Variants in MTCL1 observed in about 807,000 individuals in gnomAD.
The protein encoded by MTCL1 is microtubule cross-linking factor 1.
MTCL1 carries 79 observed loss-of-function variants against 141.4 expected under a neutral mutation model. That is an observed-to-expected ratio of 0.56 (90% confidence interval 0.47 to 0.67). The LOEUF (loss-of-function observed/expected upper bound fraction) is 0.67, where lower values mean the gene tolerates loss of function less well. Among genes scored for constraint, MTCL1 ranks in the 30% least tolerant of loss-of-function variants. The pLI, the probability that MTCL1 is intolerant of heterozygous loss-of-function variation, is 0.00. For missense variants in MTCL1, 2,177 were observed against 2,113.9 expected, an observed-to-expected ratio of 1.03 and a Z score of -0.59; for synonymous variants, 914 against 875.8, an observed-to-expected ratio of 1.04 and a Z score of -0.77.
chr18:8,705,874 C>G lies in MTCL1; in HGVS notation c.214C>G (p.Pro72Ala), dbSNP rs2096057112. The G allele has an allele frequency of 2.7e-6, 3 of 1,122,118 alleles. No individual in the cohort carries two copies. Among genetic ancestry groups the G allele is most frequent in the South Asian group, 8.6e-5 (2 of 23,342 alleles). The allele number at this position is 1,122,118 out of a possible 1,614,324, so 69.5% of individuals were successfully genotyped here. Residue 72 changes from proline to alanine, a missense_variant, in exon 1 of 14, where the codon CCC (proline) becomes GCC (alanine). Coordinates refer to the MTCL1 transcript ENST00000306329. This position sits in a 1 kb window ranked among gnomAD's most constrained non-coding sequence, Gnocchi z 5.2. ...CCCCTCCTCGGGCCGAGCCCCGGCTCCCGCCGCCCCGCGCTCGCCCAACCT... is the reference window on the plus strand; with the variant it reads ...CCCCTCCTCGGGCCGAGCCCCGGCTGCCGCCGCCCCGCGCTCGCCCAACCT...
Position 8,778,966 on chromosome 18 carries a change from G to C in MTCL1, c.417+1074G>C, listed in dbSNP as rs540104261. On this transcript the variant is annotated intron_variant, in intron 5 of 16. Transcript: ENST00000359865. ...TCCTTGGGCGCGTGTCAGAAACCCT[G>C]GTACCTGGGATGCGTTGAGCCGCCC... is the stretch of plus-strand genomic sequence containing the variant. Among the ~76,000 whole-genome samples, 22 of 152,322 alleles carry C rather than the reference G, an allele frequency of 1.4e-4. No individual in the cohort carries two copies. In the East Asian group the frequency reaches 3.1e-3, roughly 21 times the overall value.
At chr18:8,785,702 G>GC (rs1555655219) in intron 6 of MTCL1, 1 of 545,516 alleles carries the variant, frequency 1.8e-6, no homozygotes, top group Non-Finnish European at 3.3e-6. Flanking sequence ...GTGTCCACCC[G>GC]CCCCTTTGCT....
intron 8 of MTCL1, 133 bp downstream of exon 7, chr18:8,793,253 A>G (rs2075800595): frequency 2.4e-6 from 3 of 1,245,866 alleles, no homozygotes; most frequent in Admixed American, 4.4e-5. Flanking sequence ...ACGTATGGAA[A>G]GGTCACCCAG....
chr18:8,763,191 T>C (rs999713853), intron 4 of MTCL1, among the ~76,000 whole-genome samples: 88 of 152,182 alleles, frequency 5.8e-4, no homozygotes, highest in Non-Finnish European at 5.7e-4. Context: ...TTCAGTTATG[T>C]GCAAGAAAAC....
At chr18:8,786,446 TC>T (rs1428512138) in intron 7 of MTCL1, 1 of 464,414 alleles carries the variant, frequency 2.2e-6, no homozygotes, top group Non-Finnish European at 4.2e-6. Context: ...AGCACGGGCT[TC>T]CCTGCTCTGG....
At chr18:8,709,512 G>A (rs139262440) in intron 1 of MTCL1, among the ~76,000 whole-genome samples, 258 of 152,242 alleles carry the variant, frequency 1.7e-3, no homozygotes, top group African/African-American at 5.9e-3. Flanking sequence ...TTTAAAGAGG[G>A]TAGATAAAAG....
intron 7 of MTCL1, among the ~76,000 whole-genome samples, chr18:8,788,788 C>T (rs1274669711): frequency 2.0e-5 from 3 of 152,156 alleles, no homozygotes; most frequent in African/African-American, 7.2e-5. Flanking sequence ...GAAGTCAGAA[C>T]CCACGGACAC....
At chr18:8,791,231 A>G (rs556645593) in intron 7 of MTCL1, among the ~76,000 whole-genome samples, 9 of 152,180 alleles carry the variant, frequency 5.9e-5, no homozygotes, top group Non-Finnish European at 1.3e-4. Context: ...GGCAGGGAGC[A>G]GGGAGGCAGC....
intron 1 of MTCL1, among the ~76,000 whole-genome samples, chr18:8,710,943 G>A (rs2096087461): frequency 1.4e-5 from 2 of 143,430 alleles, no homozygotes; most frequent in South Asian, 4.4e-4. Flanking sequence ...CATTGTGCAG[G>A]TTAGTTACAT....
chr18:8,803,480 G>T (rs186379967), intron 10 of MTCL1, among the ~76,000 whole-genome samples: 1 of 152,292 alleles, frequency 6.6e-6, no homozygotes, highest in Non-Finnish European at 1.5e-5. Context: ...TTTTTTGCCT[G>T]TGTGCGAAAG....
intron 4 of MTCL1, among the ~76,000 whole-genome samples, chr18:8,733,114 G>C (rs12961444): frequency 0.26 from 38,848 of 152,120 alleles, 6,203 homozygotes; most frequent in Admixed American, 0.41. Context: ...CTCCTGGCAG[G>C]GGGGAGGAAG....
At chr18:8,831,631 C>T in exon 17 of MTCL1, 1 of 1,550,602 alleles carries the variant, frequency 6.4e-7, no homozygotes, top group Non-Finnish European at 8.7e-7. Context: ...TGCACTAGCT[C>T]CATCCCTAGA....
In MTCL1 at chr18:8,706,466, TCCTCGCCGCGCC is replaced by T. The variant is rs1404683868; in HGVS notation, c.817_828del (p.Pro273_Ala276del). 55 of 1,259,534 alleles carry T rather than the reference TCCTCGCCGCGCC, an allele frequency of 4.4e-5. 1 individual carries two copies. In the Admixed American group the frequency reaches 8.9e-4, roughly 20 times the overall value. 78.0% of individuals were successfully genotyped at this position (1,259,534 alleles called of 1,614,324 possible). The stretch of plus-strand genomic sequence containing the variant: ...CCGGGCAGCCCCGAGCCCCCAGCGC[TCCTCGCCGCGCC>T]CCTCGCCGCGGGCGCCTGTCCCGGG... On this transcript the variant is annotated inframe_deletion, in exon 1 of 14. Coordinates refer to the MTCL1 transcript ENST00000306329.
At chr18:8,739,158 T>C (rs1283683558) in intron 4 of MTCL1, among the ~76,000 whole-genome samples, 1 of 152,150 alleles carries the variant, frequency 6.6e-6, no homozygotes, top group East Asian at 1.9e-4. Flanking sequence ...GGCGGAAGGA[T>C]CTCTTGAGCC....
rs199543768 is a variant in MTCL1, at chr18:8,731,937, A to G, written c.357+11441A>G. 3.3e-5 allele frequency among the ~76,000 whole-genome samples: 5 copies of G among 151,942 alleles called. No individual in the cohort carries two copies. In the South Asian group the frequency reaches 8.3e-4, roughly 25 times the overall value. On this transcript the variant is annotated intron_variant, in intron 4 of 16. Coordinates refer to ENST00000359865, the Ensembl canonical transcript of MTCL1. ...TTGTCCAGGCTGGTCTTGAACTCCT[A>G]ACCTCAAGTGATCCACCTGTCTCAG...
At chr18:8,809,425 C>T in intron 11 of MTCL1, 1 of 1,533,386 alleles carries the variant, frequency 6.5e-7, no homozygotes, top group Non-Finnish European at 8.7e-7. Context: ...AGTAATCACA[C>T]ACATCTCTCC....
At chr18:8,733,854 C>T (rs1030430978) in intron 4 of MTCL1, among the ~76,000 whole-genome samples, 2 of 152,180 alleles carry the variant, frequency 1.3e-5, no homozygotes, top group African/African-American at 2.4e-5. Context: ...CTTGAAGTAA[C>T]ACTCAGAGTT....
At chr18:8,809,687 C>T (rs2076417041) in intron 11 of MTCL1, 2 of 1,403,220 alleles carry the variant, frequency 1.4e-6, no homozygotes, top group African/African-American at 2.9e-5. Flanking sequence ...CGCCGTGGAG[C>T]AACAGGCACC....
chr18:8,757,570 ATCAG>A (rs1482300852), intron 4 of MTCL1, among the ~76,000 whole-genome samples: 4 of 152,182 alleles, frequency 2.6e-5, no homozygotes, highest in African/African-American at 7.2e-5. Flanking sequence ...GTCACTGACA[ATCAG>A]TCAGCAGTGA....
Sources: gnomAD v4.1 joint callset for allele counts (sites outside exome capture counted in the v4.1 genomes callset) on GRCh38, gnomAD v4.1.1 for gene constraint, Gnocchi (gnomAD v3.1) non-coding constraint, MANE v1.5 for transcripts, NCBI Gene and HGNC (gene_info 2026-07-23, HGNC 2026-07-21) for gene names.